The following MSH4 variants were observed in gnomAD, a reference collection of about 807,000 sequenced individuals.
MSH4 encodes mutS homolog 4.
MSH4 carries 106 observed loss-of-function variants against 113.7 expected under a neutral mutation model. That is an observed-to-expected ratio of 0.93 (90% confidence interval 0.80 to 1.10). The LOEUF is 1.10. Ranked by LOEUF, MSH4 falls within the 50% of genes least tolerant of loss-of-function variation. The pLI, the probability that MSH4 is intolerant of heterozygous loss-of-function variation, is 0.00. For missense variants in MSH4, 1,061 were observed against 1,093.7 expected, an observed-to-expected ratio of 0.97 and a Z score of 0.42; for synonymous variants, 368 against 380.2, an observed-to-expected ratio of 0.97 and a Z score of 0.37.
intron 7 of MSH4, among the ~76,000 whole-genome samples, chr1:75,825,653 A>C (rs1235035798): frequency 6.6e-6 from 1 of 152,114 alleles, no homozygotes; most frequent in African/African-American, 2.4e-5. Flanking sequence ...TACCTAGTTT[A>C]TTGACAGTTT....
In MSH4 at chr1:75,819,249, T is replaced by C. The variant is rs368503090; in HGVS notation, c.989+2703T>C. Among the ~76,000 whole-genome samples, 60 of 152,284 alleles carry C rather than the reference T, an allele frequency of 3.9e-4. 1 individual carries two copies. Among genetic ancestry groups the C allele is most frequent in the African/African-American group, 1.4e-3 (59 of 41,558 alleles). The stretch of plus-strand genomic sequence containing the variant: ...GCTCATGCCTGTAATCCCAGCACCC[T>C]GGGCAGGCCAACGTGGGTGGATCAC... On this transcript the variant is annotated intron_variant, in intron 6 of 19. Coordinates refer to ENST00000263187, the MANE Select transcript of MSH4 (RefSeq NM_002440.4).
At chr1:75,834,981 CTGTT>C (rs1489600595) in intron 7 of MSH4, among the ~76,000 whole-genome samples, 3 of 152,166 alleles carry the variant, frequency 2.0e-5, no homozygotes, top group Admixed American at 6.5e-5. Flanking sequence ...TGCAACCTGG[CTGTT>C]TGTCCACTGG....
At chr1:75,904,714 T>C (rs1383095532) in intron 19 of MSH4, among the ~76,000 whole-genome samples, 1 of 151,620 alleles carries the variant, frequency 6.6e-6, no homozygotes, top group East Asian at 2.0e-4. Context: ...GATGGGGGTC[T>C]CCCTATACTG....
intron 3 of MSH4, among the ~76,000 whole-genome samples, 185 bp from the exon 4 acceptor site, chr1:75,810,511 TC>T (rs1650169371): frequency 6.9e-6 from 1 of 145,782 alleles, no homozygotes; most frequent in African/African-American, 2.5e-5. Flanking sequence ...CACCTCAGCC[TC>T]CCAAAGTGCT....
chr1:75,909,472 T>A (rs1652740620), intron 19 of MSH4, among the ~76,000 whole-genome samples: 1 of 80,748 alleles, frequency 1.2e-5, no homozygotes, highest in Non-Finnish European at 2.7e-5. Flanking sequence ...AGAATTGTAT[T>A]TTTTTTTTTT....
intron 7 of MSH4, among the ~76,000 whole-genome samples, chr1:75,835,629 A>G (rs897498473): frequency 6.6e-6 from 1 of 151,930 alleles, no homozygotes; most frequent in East Asian, 1.9e-4. Context: ...TATCTCCTGT[A>G]TCTTCATTAT....
chr1:75,852,620 C>A (rs376570040), intron 8 of MSH4, among the ~76,000 whole-genome samples: 45 of 152,092 alleles, frequency 3.0e-4, no homozygotes, highest in African/African-American at 1.0e-3. Context: ...TGATGACTGA[C>A]AATGTCGAGC....
chr1:75,856,327 T>C lies in MSH4; in HGVS notation c.1230+8051T>C, dbSNP rs59100181. ...TGTATATTTTAGGTTCTGGGTTACA[T>C]GTGCAGAACGTGCAGTTTTGTTACA... On this transcript the variant is annotated intron_variant, in intron 8 of 19. Transcript: ENST00000263187. Among the ~76,000 whole-genome samples, 1,085 of 152,312 alleles carry C rather than the reference T, an allele frequency of 7.1e-3. 11 individuals carry two copies. The highest frequency in any genetic ancestry group is 0.025 in the African/African-American group (1,029 of 41,558).
intron 8 of MSH4, 59 bp downstream of exon 8, chr1:75,848,335 TTAATG>T (rs1651119074): frequency 8.6e-7 from 1 of 1,168,176 alleles, no homozygotes; most frequent in Non-Finnish European, 1.2e-6. Flanking sequence ...GGAACTTGTC[TTAATG>T]TAATGTAACA....
chr1:75,841,744 A>G (rs993662091), intron 7 of MSH4, among the ~76,000 whole-genome samples: 1 of 152,176 alleles, frequency 6.6e-6, no homozygotes, highest in Non-Finnish European at 1.5e-5. Context: ...TGGGGAAAGG[A>G]AGAAGGAGGA....
intron 19 of MSH4, among the ~76,000 whole-genome samples, chr1:75,912,450 A>G (rs1236143656): frequency 2.6e-5 from 4 of 152,122 alleles, no homozygotes; most frequent in Admixed American, 2.6e-4. Context: ...TGATTTCAAG[A>G]ACATAAGATC....
intron 7 of MSH4, among the ~76,000 whole-genome samples, chr1:75,842,031 G>A (rs1451271946): frequency 6.6e-6 from 1 of 152,156 alleles, no homozygotes; most frequent in African/African-American, 2.4e-5. Context: ...GATAGTCGGA[G>A]TACAGCTTGG....
At chr1:75,894,352 C>A (rs1652324987) in intron 17 of MSH4, among the ~76,000 whole-genome samples, 1 of 152,188 alleles carries the variant, frequency 6.6e-6, no homozygotes, top group Non-Finnish European at 1.5e-5. Context: ...CTACTAAATT[C>A]TGACTTGATC....
At chr1:75,824,441 T>C (rs1650499673) in intron 7 of MSH4, among the ~76,000 whole-genome samples, 1 of 152,210 alleles carries the variant, frequency 6.6e-6, no homozygotes, top group Admixed American at 6.5e-5. Flanking sequence ...ACTCTGATGA[T>C]AGTTTCTTTT....
intron 8 of MSH4, among the ~76,000 whole-genome samples, chr1:75,867,108 T>C (rs1317579533): frequency 6.6e-6 from 1 of 152,224 alleles, no homozygotes; most frequent in African/African-American, 2.4e-5. Context: ...ATCAGTGTTG[T>C]TCTATAACTA....
chr1:75,863,460 TG>T (rs1304571303), intron 8 of MSH4, among the ~76,000 whole-genome samples: 1 of 152,128 alleles, frequency 6.6e-6, no homozygotes, highest in Non-Finnish European at 1.5e-5. Context: ...AAATATAAAA[TG>T]GCTTTTTTTG....
intron 19 of MSH4, among the ~76,000 whole-genome samples, chr1:75,908,662 A>G (rs1429653278): frequency 6.6e-6 from 1 of 152,004 alleles, no homozygotes; most frequent in Non-Finnish European, 1.5e-5. Flanking sequence ...TTGTGGATAT[A>G]TATCTATGTT....
At chr1:75,855,468 T>C (rs1264460997) in intron 8 of MSH4, among the ~76,000 whole-genome samples, 1 of 152,260 alleles carries the variant, frequency 6.6e-6, no homozygotes, top group African/African-American at 2.4e-5. Context: ...ATGCTCTCTC[T>C]GCGAAACCTG....
intron 7 of MSH4, among the ~76,000 whole-genome samples, chr1:75,828,714 G>A (rs913470128): frequency 2.6e-5 from 4 of 152,162 alleles, no homozygotes; most frequent in Admixed American, 2.6e-4. Context: ...TTTACTATCT[G>A]AGTGCTGGAT....
Sources: allele counts gnomAD v4.1 joint callset (sites outside exome capture counted in the v4.1 genomes callset), GRCh38; gene constraint gnomAD v4.1.1; transcripts MANE v1.5; gene names NCBI Gene and HGNC (gene_info 2026-07-23, HGNC 2026-07-21).